TMEM120B: variants seen among roughly 807,000 people sequenced by gnomAD.
The protein encoded by TMEM120B is transmembrane protein 120B.
In TMEM120B, 31 loss-of-function variants were observed where a neutral mutation model predicts 55.5. The observed-to-expected ratio is 0.56, with a 90% CI of 0.42 to 0.75. TMEM120B has a LOEUF of 0.75. Ranked by LOEUF, TMEM120B falls within the 30% of genes least tolerant of loss-of-function variation. The pLI is 0.00. For missense variants in TMEM120B, 399 were observed against 425.5 expected, an observed-to-expected ratio of 0.94 and a Z score of 0.55; for synonymous variants, 203 against 176.3, an observed-to-expected ratio of 1.15 and a Z score of -1.20.
chr12:121,736,289 C>T (rs1032813611), intron 1 of TMEM120B, among the ~76,000 whole-genome samples: 1 of 151,504 alleles, frequency 6.6e-6, no homozygotes, highest in African/African-American at 2.4e-5. Flanking sequence ...ATTCTCCTGC[C>T]TCAGCCTCCT....
chr12:121,751,280 C>T (rs1272019754), intron 4 of TMEM120B, among the ~76,000 whole-genome samples: 3 of 125,512 alleles, frequency 2.4e-5, no homozygotes, highest in East Asian at 5.2e-4. Context: ...CACCCCACAC[C>T]GACACCTATA....
chr12:121,774,226 G>A (rs1054179545), intron 9 of TMEM120B, among the ~76,000 whole-genome samples: 1 of 152,178 alleles, frequency 6.6e-6, no homozygotes, highest in Non-Finnish European at 1.5e-5. Flanking sequence ...AACGTGCTGG[G>A]ATTATAGGCG....
chr12:121,750,622 A>AC (rs1192997194), intron 4 of TMEM120B, among the ~76,000 whole-genome samples, 183 bp downstream of exon 4: 34 of 59,940 alleles, frequency 5.7e-4, no homozygotes, highest in African/African-American at 1.6e-3. Flanking sequence ...CAACACCAAC[A>AC]CCACACCCAC....
At chr12:121,752,578 C>A (rs1277495113) in intron 5 of TMEM120B, among the ~76,000 whole-genome samples, 1 of 151,914 alleles carries the variant, frequency 6.6e-6, no homozygotes, top group Non-Finnish European at 1.5e-5. Flanking sequence ...CATGGTGAAA[C>A]CCTGTCTCTA....
Position 121,782,022 on chromosome 12 carries a change from G to C in TMEM120B, c.*6300G>C, listed in dbSNP as rs560792168. On this transcript the variant is annotated 3_prime_UTR_variant, in exon 12 of 12. Transcript: ENST00000449592. ...TATAAACAATTCTTTGTAACTTTTT[G>C]TATTGACAGTTTCAAACTTACAGTA... is the stretch of plus-strand genomic sequence containing the variant. The C allele has an allele frequency of 2.0e-5, 3 of 152,208 alleles. No homozygotes were observed. The East Asian group carries it at 5.8e-4, about 29-fold the overall frequency. The allele number at this position is 152,208 out of a possible 1,614,324, so 9.4% of individuals were successfully genotyped here.
chr12:121,728,301 AAC>A (rs890441156), intron 1 of TMEM120B, among the ~76,000 whole-genome samples: 48 of 151,740 alleles, frequency 3.2e-4, no homozygotes, highest in African/African-American at 1.1e-3. Flanking sequence ...CATCCTGGCT[AAC>A]ACAGTGAAAC....
chr12:121,767,938 C>T (rs144444387), intron 6 of TMEM120B, among the ~76,000 whole-genome samples: 15 of 152,292 alleles, frequency 9.8e-5, no homozygotes, highest in African/African-American at 3.4e-4. Flanking sequence ...GCTTTGGGAG[C>T]AGGACAAAGG....
intron 6 of TMEM120B, among the ~76,000 whole-genome samples, chr12:121,763,374 G>A: frequency 6.6e-6 from 1 of 151,998 alleles, no homozygotes; most frequent in East Asian, 1.9e-4. Flanking sequence ...GTGTTAGCCA[G>A]GATGGTCTCG....
intron 5 of TMEM120B, among the ~76,000 whole-genome samples, chr12:121,760,336 G>A (rs921601119): frequency 4.0e-5 from 6 of 151,774 alleles, no homozygotes; most frequent in African/African-American, 1.5e-4. Flanking sequence ...GAAGAGGGCC[G>A]AGCGGGCATC....
At chr12:121,743,193 A>AC (rs753190031) in intron 1 of TMEM120B, among the ~76,000 whole-genome samples, 1 of 151,950 alleles carries the variant, frequency 6.6e-6, no homozygotes, top group Non-Finnish European at 1.5e-5. Flanking sequence ...TTCTTAGTTG[A>AC]CCTAACAGGA....
intron 5 of TMEM120B, among the ~76,000 whole-genome samples, chr12:121,753,164 T>G (rs1873380494): frequency 6.6e-6 from 1 of 152,036 alleles, no homozygotes; most frequent in Non-Finnish European, 1.5e-5. Context: ...GGCTGCAGCA[T>G]GGATGAACCT....
Position 121,758,526 on chromosome 12 carries a change from G to A in TMEM120B, c.462-3123G>A, listed in dbSNP as rs113325307. ...CCCGCGCTGTGGTCACCATGGAGGA[G>A]GATGGCCTAGCTCCACGCTGTGGCC... On this transcript the variant is annotated intron_variant, in intron 5 of 11. Transcript: ENST00000449592. The A allele has an allele frequency of 2.8e-4, 275 of 971,626 alleles. 1 individual carries two copies. The highest frequency in any genetic ancestry group is 9.5e-4 in the Admixed American group (15 of 15,830). The allele number at this position is 971,626 out of a possible 1,614,324, so 60.2% of individuals were successfully genotyped here.
chr12:121,763,706 G>A (rs904228104), intron 6 of TMEM120B, among the ~76,000 whole-genome samples: 3 of 152,166 alleles, frequency 2.0e-5, no homozygotes, highest in Admixed American at 6.5e-5. Flanking sequence ...GCCTCCCAAA[G>A]TGTTGGGATT....
At chr12:121,712,986 C>T (rs764757947) in intron 1 of TMEM120B, 22 bp downstream of exon 1, 2 of 1,522,376 alleles carry the variant, frequency 1.3e-6, no homozygotes, top group Non-Finnish European at 1.8e-6. Context: ...CCACCTGGTC[C>T]CGCAACTCTG....
intron 6 of TMEM120B, among the ~76,000 whole-genome samples, chr12:121,763,082 T>C (rs1873731449): frequency 1.3e-5 from 2 of 151,750 alleles, no homozygotes; most frequent in Non-Finnish European, 2.9e-5. Flanking sequence ...TTAAAACCCA[T>C]GACTTGCCAC....
chr12:121,728,624 C>T (rs1894942665), intron 1 of TMEM120B, among the ~76,000 whole-genome samples: 1 of 152,120 alleles, frequency 6.6e-6, no homozygotes, highest in African/African-American at 2.4e-5. Flanking sequence ...CCGGCCGACA[C>T]TCACTTCTGA....
Position 121,712,817 on chromosome 12 carries a change from C to A in TMEM120B, c.-79C>A. 1 of 1,111,778 alleles carries A rather than the reference C, an allele frequency of 9.0e-7. No individual in the cohort carries two copies. Among genetic ancestry groups the A allele is most frequent in the Admixed American group, 4.4e-5 (1 of 22,670 alleles). The allele number at this position is 1,111,778 out of a possible 1,614,324, so 68.9% of individuals were successfully genotyped here. A position where few individuals can be genotyped will look rare whatever the true frequency, so the allele number is the denominator to read the frequency against. Reference sequence around the variant, plus strand: ...CCTCCGAGGGCGGTCGGCGAGCGCGCGGGCGTGGGGCGCTGGGGGGCCGGT... The same window carrying A: ...CCTCCGAGGGCGGTCGGCGAGCGCGAGGGCGTGGGGCGCTGGGGGGCCGGT... On this transcript the variant is annotated 5_prime_UTR_variant, in exon 1 of 12. Coordinates refer to ENST00000449592, the MANE Select transcript of TMEM120B (RefSeq NM_001080825.2).
At position 121,781,101 on chromosome 12, in the gene TMEM120B, G is replaced by A. The variant is rs748431923; in HGVS notation, c.*5379G>A. ...GCCTCACCTTGATGAGGACGTTGTCGTAGCTGGTGGGATTCATGACGTCAT... is the reference window on the plus strand; with the variant it reads ...GCCTCACCTTGATGAGGACGTTGTCATAGCTGGTGGGATTCATGACGTCAT... On this transcript the variant is annotated 3_prime_UTR_variant, in exon 12 of 12. Coordinates refer to ENST00000449592, the MANE Select transcript of TMEM120B (RefSeq NM_001080825.2). 31 of 1,614,124 alleles carry A rather than the reference G, an allele frequency of 1.9e-5. No homozygotes were observed. Among genetic ancestry groups the A allele is most frequent in the Admixed American group, 1.2e-4 (7 of 60,006 alleles).
intron 6 of TMEM120B, among the ~76,000 whole-genome samples, chr12:121,767,693 C>G (rs1441121451): frequency 1.3e-5 from 2 of 152,184 alleles, no homozygotes; most frequent in African/African-American, 4.8e-5. Context: ...ACACAACCAG[C>G]CCAGAGCCCC....
Sources: allele counts gnomAD v4.1 joint callset (sites outside exome capture counted in the v4.1 genomes callset), GRCh38; gene constraint gnomAD v4.1.1; transcripts MANE v1.5; gene names NCBI Gene and HGNC (gene_info 2026-07-23, HGNC 2026-07-21).